PRH1: variants seen among roughly 807,000 people sequenced by gnomAD.
PRH1 encodes salivary acidic proline-rich phosphoprotein 1/2.
In PRH1, 7 loss-of-function variants were observed where a neutral mutation model predicts 7.9. The observed-to-expected ratio is 0.89, with a 90% confidence interval of 0.50 to 1.67. The LOEUF (loss-of-function observed/expected upper bound fraction) is 1.67. PRH1 is among the 40% of genes most tolerant of loss of function. The pLI, the probability that PRH1 is intolerant of heterozygous loss-of-function variation, is 0.00. For synonymous variants in PRH1, 45 were observed against 80.8 expected (o/e 0.56, Z 2.38); for missense variants, 109 against 223.6 (o/e 0.49, Z 3.27).
intron 1 of PRH1, among the ~76,000 whole-genome samples, chr12:10,974,727 A>G (rs987831484): frequency 6.6e-6 from 1 of 152,200 alleles, no homozygotes; most frequent in Admixed American, 6.5e-5. Context: ...CAACACGAAA[A>G]GCCAGAGAAT....
intron 1 of PRH1, among the ~76,000 whole-genome samples, chr12:11,162,510 G>C (rs913101712): frequency 5.3e-5 from 8 of 152,176 alleles, no homozygotes; most frequent in African/African-American, 1.7e-4. Flanking sequence ...ACTTTAAGCT[G>C]ATGTAACATA....
At chr12:10,909,367 A>T (rs1352044598) in intron 2 of PRH1, 4 of 1,092,324 alleles carry the variant, frequency 3.7e-6, no homozygotes, top group Non-Finnish European at 5.4e-6. Context: ...TGCTATTCAC[A>T]TCCTTGAGTG....
At chr12:10,984,189 C>A (rs931024126) in intron 1 of PRH1, among the ~76,000 whole-genome samples, 2 of 151,762 alleles carry the variant, frequency 1.3e-5, no homozygotes, top group African/African-American at 4.8e-5. Context: ...TGCAAAGATA[C>A]CAAAATCTTT....
At chr12:10,888,460 G>T (rs1949525814), upstream of PRH1, among the ~76,000 whole-genome samples, 1 of 152,128 alleles carries the variant, frequency 6.6e-6, no homozygotes, top group Admixed American at 6.5e-5. Context: ...GAATATGAAT[G>T]AGTTTATGTA....
intron 2 of PRH1, among the ~76,000 whole-genome samples, chr12:10,903,343 C>A (rs138370480): frequency 2.5e-4 from 38 of 152,132 alleles, no homozygotes; most frequent in African/African-American, 8.7e-4. Flanking sequence ...AGCATTGGAG[C>A]ACCAAGATTC....
chr12:10,954,606 CA>C, intron 2 of PRH1, among the ~76,000 whole-genome samples: 1 of 152,232 alleles, frequency 6.6e-6, no homozygotes. Flanking sequence ...TACCTGGGAC[CA>C]CATGTGTGCA....
At chr12:11,032,829 G>A (rs1169830874) in intron 1 of PRH1, among the ~76,000 whole-genome samples, 3 of 152,288 alleles carry the variant, frequency 2.0e-5, no homozygotes, top group East Asian at 1.9e-4. Flanking sequence ...TGAACTTGGA[G>A]TTCAATCATT....
At chr12:10,945,663 G>T (rs1265065221) in intron 2 of PRH1, among the ~76,000 whole-genome samples, 1 of 152,184 alleles carries the variant, frequency 6.6e-6, no homozygotes, top group African/African-American at 2.4e-5. Context: ...CATCTTATCA[G>T]GAGACAGGGT....
At chr12:11,066,900 T>A (rs1260207977) in intron 1 of PRH1, among the ~76,000 whole-genome samples, 4 of 152,108 alleles carry the variant, frequency 2.6e-5, no homozygotes, top group African/African-American at 9.7e-5. Flanking sequence ...TACTACATTT[T>A]AAAAATTCAT....
At chr12:11,138,402 T>C (rs1946615875) in intron 1 of PRH1, among the ~76,000 whole-genome samples, 1 of 152,128 alleles carries the variant, frequency 6.6e-6, no homozygotes. Context: ...TCTTCTCTAA[T>C]GCAGAACCAA....
At chr12:10,959,143 A>C (rs1164842537) in intron 2 of PRH1, among the ~76,000 whole-genome samples, 1 of 152,178 alleles carries the variant, frequency 6.6e-6, no homozygotes, top group Non-Finnish European at 1.5e-5. Context: ...ATAGGTTCTG[A>C]AAGAGAGAAA....
chr12:10,948,115 A>G (rs2135907843), intron 2 of PRH1, among the ~76,000 whole-genome samples: 1 of 151,076 alleles, frequency 6.6e-6, no homozygotes, highest in Middle Eastern at 3.4e-3. Flanking sequence ...CTTGGAGATG[A>G]TCTTGTGTAG....
chr12:10,908,560 A>G (rs2135822999), intron 2 of PRH1: 1 of 1,614,060 alleles, frequency 6.2e-7, no homozygotes, highest in East Asian at 2.2e-5. Flanking sequence ...ATGAGAACAC[A>G]TAGAAAGAAA....
chr12:10,893,438 A>T (rs1385181413), intron 2 of PRH1, among the ~76,000 whole-genome samples: 2 of 152,194 alleles, frequency 1.3e-5, no homozygotes, highest in African/African-American at 4.8e-5. Context: ...TAGGCCTCCT[A>T]TATTTTTATT....
chr12:11,083,811 TAA>T (rs1312070494), intron 1 of PRH1, among the ~76,000 whole-genome samples: 1 of 152,052 alleles, frequency 6.6e-6, no homozygotes, highest in African/African-American at 2.4e-5. Flanking sequence ...AAACTTTATA[TAA>T]GTGGAATTAT....
Position 11,169,553 on chromosome 12 carries a change from G to A in PRH1, n.39+1869C>T, listed in dbSNP as rs111552212. On this transcript the variant is annotated intron_variant and non_coding_transcript_variant, in intron 1 of 1. Coordinates refer to the PRH1 transcript ENST00000541175. Reference sequence around the variant, plus strand: ...TACCCAGAAACGGAGCAAGTAGGGCGTAAAGGGTGGCACAAAAGAGGAATA... The same window carrying A: ...TACCCAGAAACGGAGCAAGTAGGGCATAAAGGGTGGCACAAAAGAGGAATA... Among the ~76,000 whole-genome samples the A allele has an allele frequency of 4.8e-3, 737 of 152,262 alleles. 5 individuals are homozygous for A. The highest frequency in any genetic ancestry group is 7.6e-3 in the Non-Finnish European group (516 of 68,032).
chr12:11,074,971 G>T (rs1210702454), intron 1 of PRH1, among the ~76,000 whole-genome samples: 1 of 151,498 alleles, frequency 6.6e-6, no homozygotes, highest in African/African-American at 2.4e-5. Context: ...CAACGGCAAA[G>T]TCATGTCAAC....
At chr12:10,909,236 A>C (rs1274393999) in intron 2 of PRH1, 9 of 1,613,660 alleles carry the variant, frequency 5.6e-6, no homozygotes, top group Non-Finnish European at 5.9e-6. Flanking sequence ...CATTGCTCAA[A>C]TTCCCAATTA....
chr12:11,027,068 C>G (rs1941953405), intron 1 of PRH1, among the ~76,000 whole-genome samples: 1 of 152,226 alleles, frequency 6.6e-6, no homozygotes, highest in African/African-American at 2.4e-5. Context: ...ATTTTGAGAC[C>G]AGCCTGGGTA....
Sources: allele counts gnomAD v4.1 joint callset (sites outside exome capture counted in the v4.1 genomes callset), GRCh38; gene constraint gnomAD v4.1.1; transcripts MANE v1.5; gene names NCBI Gene and HGNC (gene_info 2026-07-23, HGNC 2026-07-21).